SVOPL: variants seen among roughly 807,000 people sequenced by gnomAD.
SVOPL encodes putative transporter SVOPL.
Under a neutral mutation model 61.0 loss-of-function variants are expected in SVOPL, and 60 were observed. The observed-to-expected ratio is 0.98, with a 90% CI of 0.80 to 1.22. The LOEUF (loss-of-function observed/expected upper bound fraction) is 1.22, where lower values mean the gene tolerates loss of function less well. Among genes scored for constraint, SVOPL ranks in the 50% most tolerant of loss-of-function variants. SVOPL has a pLI of 0.00. For synonymous variants in SVOPL, 279 were observed against 250.0 expected, an observed-to-expected ratio of 1.12 and a Z score of -1.09; for missense variants, 662 against 643.9, an observed-to-expected ratio of 1.03 and a Z score of -0.30.
chr7:138,620,090 GT>G (rs148326720), intron 14 of SVOPL, among the ~76,000 whole-genome samples: 46 of 120,346 alleles, frequency 3.8e-4, no homozygotes, highest in South Asian at 5.2e-4. Context: ...GTGGATTTCT[GT>G]TTTTTTTTTC....
intron 6 of SVOPL, among the ~76,000 whole-genome samples, chr7:138,657,630 C>G (rs751921052): frequency 6.6e-6 from 1 of 152,066 alleles, no homozygotes; most frequent in South Asian, 2.1e-4. Context: ...CTGTTGTTAG[C>G]CAGAATTTGG....
intron 9 of SVOPL, among the ~76,000 whole-genome samples, chr7:138,634,511 G>A (rs1476441328): frequency 6.6e-6 from 1 of 151,842 alleles, no homozygotes; most frequent in East Asian, 1.9e-4. Flanking sequence ...AGCCAGGTGT[G>A]GTGGTGTGCA....
chr7:138,614,819 C>T (rs1477055858), intron 14 of SVOPL, among the ~76,000 whole-genome samples: 2 of 152,126 alleles, frequency 1.3e-5, no homozygotes, highest in East Asian at 3.9e-4. Flanking sequence ...AAGTTTTGCT[C>T]GAGTCACAAA....
intron 1 of SVOPL, among the ~76,000 whole-genome samples, chr7:138,688,200 T>C (rs182632406): frequency 4.5e-4 from 68 of 152,240 alleles, no homozygotes; most frequent in Non-Finnish European, 8.5e-4. Context: ...CTCAACATCA[T>C]TGGTCATTCG....
chr7:138,610,904 C>T (rs186083630), intron 14 of SVOPL, among the ~76,000 whole-genome samples: 33 of 152,342 alleles, frequency 2.2e-4, no homozygotes, highest in African/African-American at 4.8e-4. Context: ...GTGGGATTTA[C>T]ACAGACTGAC....
intron 13 of SVOPL, chr7:138,625,190 T>C (rs1408435574): frequency 6.6e-6 from 1 of 152,248 alleles, no homozygotes; most frequent in African/African-American, 2.4e-5. Flanking sequence ...TGAAGTATTA[T>C]GTATAATTCA....
intron 14 of SVOPL, among the ~76,000 whole-genome samples, chr7:138,613,646 C>A (rs1799153138): frequency 6.6e-6 from 1 of 152,126 alleles, no homozygotes; most frequent in East Asian, 1.9e-4. Context: ...AAAAGCCTGT[C>A]ACCCCTTTTA....
At position 138,648,533 on chromosome 7, in the gene SVOPL, C is replaced by CAA. The variant is rs61171485; in HGVS notation, c.660+477_660+478dup. ...TGAAACACTGTCTCTACTAAAAATC[C>CAA]AAAAAAAAAAAAAAAAAAAAAAAAA... On this transcript the variant is annotated intron_variant, in intron 8 of 15. Coordinates refer to ENST00000674285, the MANE Select transcript of SVOPL (RefSeq NM_001139456.2). Among the ~76,000 whole-genome samples the CAA allele has an allele frequency of 1.8e-3, 136 of 73,726 alleles. No homozygotes were observed. The East Asian group carries it at 0.022, about 12-fold the overall frequency. The allele number at this position is 73,726 out of a possible 152,430, so 48.4% of individuals were successfully genotyped here. A position where few individuals can be genotyped will look rare whatever the true frequency, so the allele number is the denominator to read the frequency against.
chr7:138,619,561 TAAAA>T (rs11440977), intron 14 of SVOPL, among the ~76,000 whole-genome samples: 1,666 of 60,304 alleles, frequency 0.028, 60 homozygotes, highest in African/African-American at 0.093. Context: ...TCTCAGATGT[TAAAA>T]AAAAAAAAAA....
rs200301235 is a variant in SVOPL, at chr7:138,644,705, G to A, written c.789+12C>T. 2.0e-5 allele frequency: 33 copies of A among 1,613,488 alleles called. No homozygotes were observed. Among genetic ancestry groups the A allele is most frequent in the Non-Finnish European group, 2.7e-5 (32 of 1,179,848 alleles). ...CTGGTGATAGGAGAAGACCTCGGGG[G>A]CCAGCACTCACCAGGACGGGCTCCA... On this transcript the variant is annotated intron_variant, in intron 9 of 15. Coordinates refer to ENST00000674285, the MANE Select transcript of SVOPL (RefSeq NM_001139456.2).
Position 138,674,218 on chromosome 7 carries a change from CAT to C in SVOPL, c.175-2103_175-2102del, listed in dbSNP as rs1232161790. ...AAACACATACACACACACACACACA[CAT>C]ACACAGAAGACCAGGACTTAGGAGT... On this transcript the variant is annotated intron_variant, in intron 3 of 15. Transcript: ENST00000674285. Among the ~76,000 whole-genome samples, 9 of 145,692 alleles carry C rather than the reference CAT, an allele frequency of 6.2e-5. No homozygotes were observed. In the East Asian group the frequency reaches 1.2e-3, roughly 20 times the overall value.
At chr7:138,654,872 T>TA (rs1801641482) in intron 7 of SVOPL, among the ~76,000 whole-genome samples, 1 of 136,236 alleles carries the variant, frequency 7.3e-6, no homozygotes, top group African/African-American at 3.0e-5. Flanking sequence ...CACTTCCTTT[T>TA]TTTTTTTTTT....
In SVOPL at chr7:138,679,038, G is replaced by A. The variant is rs1802642390; in HGVS notation, c.8C>T (p.Thr3Ile). Reference protein sequence around the residue: MATKPTEPVTILS... With the variant: MAIKPTEPVTILS... The stretch of plus-strand genomic sequence containing the variant: ...GATCGTGACAGGCTCTGTTGGCTTG[G>A]TTGCCATCTTCTAAATAGCTCAAGT... Residue 3 changes from threonine to isoleucine, a missense_variant, in exon 2 of 16, where the codon ACC becomes ATC. By Grantham distance (89) the Thr-to-Ile change is moderately conservative (BLOSUM62 -1). Coordinates refer to ENST00000674285, the MANE Select transcript of SVOPL (RefSeq NM_001139456.2). 2.6e-6 allele frequency: 4 copies of A among 1,551,538 alleles called. No homozygotes were observed. Among genetic ancestry groups the A allele is most frequent in the Non-Finnish European group, 3.5e-6 (4 of 1,146,936 alleles).
chr7:138,654,831 CAT>C (rs1801632393), intron 7 of SVOPL, among the ~76,000 whole-genome samples: 1 of 150,522 alleles, frequency 6.6e-6, no homozygotes, highest in Non-Finnish European at 1.5e-5. Flanking sequence ...CTCCACACAA[CAT>C]AGTGAGACCA....
intron 6 of SVOPL, 107 bp from the exon 7 acceptor site, chr7:138,656,618 G>T (rs1489337650): frequency 8.4e-7 from 1 of 1,187,670 alleles, no homozygotes; most frequent in Non-Finnish European, 1.2e-6. Flanking sequence ...CAAAAGCATA[G>T]AAGTTGATTA....
intron 9 of SVOPL, among the ~76,000 whole-genome samples, chr7:138,637,039 A>G (rs1228226217): frequency 6.6e-6 from 1 of 152,234 alleles, no homozygotes; most frequent in Non-Finnish European, 1.5e-5. Flanking sequence ...TCTTTATCAT[A>G]TAATAAATCC....
At chr7:138,634,080 T>G (rs1340131123) in intron 9 of SVOPL, among the ~76,000 whole-genome samples, 1 of 152,210 alleles carries the variant, frequency 6.6e-6, no homozygotes, top group Non-Finnish European at 1.5e-5. Context: ...CTAGCAAGGT[T>G]GTGTACTAGC....
intron 2 of SVOPL, among the ~76,000 whole-genome samples, 192 bp from the exon 3 acceptor site, chr7:138,678,717 C>T (rs1802633415): frequency 6.6e-6 from 1 of 152,096 alleles, no homozygotes; most frequent in Non-Finnish European, 1.5e-5. Context: ...ATTACACACA[C>T]CCACTGCCAC....
At chr7:138,623,404 T>G (rs1799757083) in intron 13 of SVOPL, among the ~76,000 whole-genome samples, 1 of 152,026 alleles carries the variant, frequency 6.6e-6, no homozygotes, top group Non-Finnish European at 1.5e-5. Context: ...ATTGAGACCA[T>G]CCTGGCTAAC....
Sources: allele counts gnomAD v4.1 joint callset (sites outside exome capture counted in the v4.1 genomes callset), GRCh38; gene constraint gnomAD v4.1.1; transcripts MANE v1.5; gene names NCBI Gene and HGNC (gene_info 2026-07-23, HGNC 2026-07-21).